MFHAS1: variants seen among roughly 807,000 people sequenced by gnomAD.
MFHAS1 encodes the protein multifunctional ROCO family signaling regulator 1.
A neutral mutation model predicts 70.4 loss-of-function variants in MFHAS1; 50 were observed. That is an observed-to-expected ratio of 0.71 (90% CI 0.57 to 0.90). MFHAS1 has a LOEUF of 0.90. MFHAS1 is among the 40% of genes least tolerant of loss of function. The pLI, the probability that MFHAS1 is intolerant of heterozygous loss-of-function variation, is 0.00. For missense variants in MFHAS1, 1,795 were observed against 1,347.6 expected (o/e 1.33, Z -5.20); for synonymous variants, 952 against 620.0 (o/e 1.54, Z -7.96).
At chr8:8,879,766 C>T (rs1585068997) in intron 1 of MFHAS1, among the ~76,000 whole-genome samples, 1 of 152,186 alleles carries the variant, frequency 6.6e-6, no homozygotes, top group East Asian at 1.9e-4. Flanking sequence ...AGCCCAAGAT[C>T]AGGTATTTTA....
chr8:8,808,674 AGGT>A (rs1395206601), intron 1 of MFHAS1, among the ~76,000 whole-genome samples: 1 of 152,248 alleles, frequency 6.6e-6, no homozygotes, highest in Non-Finnish European at 1.5e-5. Flanking sequence ...AAACTGCAAA[AGGT>A]ATGGTTACAG....
chr8:8,804,106 C>T (rs771622200), intron 1 of MFHAS1, among the ~76,000 whole-genome samples: 28 of 152,260 alleles, frequency 1.8e-4, no homozygotes, highest in Non-Finnish European at 2.9e-4. Flanking sequence ...AACCAGTGCC[C>T]CACAGATATC....
At chr8:8,807,349 A>C (rs934788246) in intron 1 of MFHAS1, among the ~76,000 whole-genome samples, 7 of 152,096 alleles carry the variant, frequency 4.6e-5, no homozygotes, top group Non-Finnish European at 1.0e-4. Context: ...TTCAGATTCC[A>C]AAGAGAATCA....
At chr8:8,877,006 A>C (rs898004899) in intron 1 of MFHAS1, among the ~76,000 whole-genome samples, 2 of 151,970 alleles carry the variant, frequency 1.3e-5, no homozygotes, top group Non-Finnish European at 2.9e-5. Flanking sequence ...TGCATAAGAC[A>C]TGGTGGTCCA....
chr8:8,832,613 A>C (rs973120331), intron 1 of MFHAS1, among the ~76,000 whole-genome samples: 10 of 148,874 alleles, frequency 6.7e-5, no homozygotes, highest in African/African-American at 2.4e-4. Context: ...ATGTGATGCA[A>C]CCAGAATTTT....
intron 1 of MFHAS1, among the ~76,000 whole-genome samples, chr8:8,806,360 G>T (rs1281188294): frequency 6.6e-6 from 1 of 152,182 alleles, no homozygotes; most frequent in Non-Finnish European, 1.5e-5. Flanking sequence ...ATAACTGGGG[G>T]CCAGAATAAA....
chr8:8,865,545 G>C (rs1245460610), intron 1 of MFHAS1, among the ~76,000 whole-genome samples: 1 of 152,142 alleles, frequency 6.6e-6, no homozygotes, highest in Non-Finnish European at 1.5e-5. Context: ...TGGTGAAGTG[G>C]AATCACATAG....
At chr8:8,859,266 C>T (rs1808572156) in intron 1 of MFHAS1, among the ~76,000 whole-genome samples, 2 of 152,142 alleles carry the variant, frequency 1.3e-5, no homozygotes, top group African/African-American at 4.8e-5. Flanking sequence ...ATCACTTGAA[C>T]CCAGGAGGTG....
intron 2 of MFHAS1, among the ~76,000 whole-genome samples, chr8:8,787,323 G>C (rs188289889): frequency 6.6e-6 from 1 of 152,028 alleles, no homozygotes; most frequent in African/African-American, 2.4e-5. Flanking sequence ...CTCATGATCC[G>C]CCCACCTTGG....
chr8:8,875,700 C>G (rs1242720621), intron 1 of MFHAS1, among the ~76,000 whole-genome samples: 1 of 152,158 alleles, frequency 6.6e-6, no homozygotes, highest in Non-Finnish European at 1.5e-5. Flanking sequence ...AAGCGATTCT[C>G]CTGCCTCAGC....
chr8:8,811,318 T>C (rs1366665388), intron 1 of MFHAS1, among the ~76,000 whole-genome samples: 1 of 152,036 alleles, frequency 6.6e-6, no homozygotes, highest in Non-Finnish European at 1.5e-5. Context: ...AAAAATTTTT[T>C]TTTTTTTGAG....
rs145426008 is a variant in MFHAS1 at position 8,788,551 on chromosome 8, T to C, written c.3126-2496A>G. Among the ~76,000 whole-genome samples the C allele has an allele frequency of 6.5e-3, 986 of 152,226 alleles. 8 individuals are homozygous for C. The highest frequency in any genetic ancestry group is 0.022 in the African/African-American group (902 of 41,518). ...AAAATTAGCCAGGCGTGGTGGTGCA[T>C]GCCTGTAGTCCCAGCTACTCGGGGG... On this transcript the variant is annotated intron_variant, in intron 2 of 2. Coordinates refer to ENST00000276282, the MANE Select transcript of MFHAS1 (RefSeq NM_004225.3).
At chr8:8,817,294 C>G (rs1314382804) in intron 1 of MFHAS1, among the ~76,000 whole-genome samples, 3 of 152,096 alleles carry the variant, frequency 2.0e-5, no homozygotes, top group Non-Finnish European at 4.4e-5. Flanking sequence ...ATTTCTTGAG[C>G]TGAGAAATTA....
rs891328821 is a variant in MFHAS1, at chr8:8,783,875, C to T, written c.*2147G>A. ...CCCTCCTCCCAACTTGAAACAAATT[C>T]TCAAGCTTCTCTGGAGCATCTTTTG... On this transcript the variant is annotated 3_prime_UTR_variant, in exon 3 of 3. Transcript: ENST00000276282. The T allele has an allele frequency of 7.9e-5, 12 of 152,124 alleles. No individual in the cohort carries two copies. The highest frequency in any genetic ancestry group is 2.9e-4 in the African/African-American group (12 of 41,408). The allele number at this position is 152,124 out of a possible 1,614,324, so 9.4% of individuals were successfully genotyped here.
At chr8:8,795,334 C>T (rs56100346) in intron 2 of MFHAS1, among the ~76,000 whole-genome samples, 31,595 of 152,018 alleles carry the variant, frequency 0.21, 3,629 homozygotes, top group African/African-American at 0.29. Context: ...ATAAAATTTC[C>T]GTTGTTTGAT....
intron 1 of MFHAS1, among the ~76,000 whole-genome samples, chr8:8,837,532 A>G (rs1034354506): frequency 6.6e-6 from 1 of 151,920 alleles, no homozygotes; most frequent in African/African-American, 2.4e-5. Context: ...CTCCCAAGCT[A>G]CTCGAGAGGC....
In MFHAS1 at chr8:8,862,726, G is replaced by C. The variant is rs954363112; in HGVS notation, c.2998+27335C>G. Among the ~76,000 whole-genome samples, 2 of 152,112 alleles carry C rather than the reference G, an allele frequency of 1.3e-5. 1 individual carries two copies. The highest frequency in any genetic ancestry group is 4.1e-4 in the South Asian group (2 of 4,832). The stretch of plus-strand genomic sequence containing the variant: ...TACCTAGTGTGAACTACTGGACTTC[G>C]TGTGACAATGTTGTGTCAATGTAGG... On this transcript the variant is annotated intron_variant, in intron 1 of 2. Transcript: ENST00000276282.
chr8:8,865,499 G>C (rs75022420), intron 1 of MFHAS1, among the ~76,000 whole-genome samples: 1 of 152,148 alleles, frequency 6.6e-6, no homozygotes, highest in South Asian at 2.1e-4. Flanking sequence ...CTCGATGAAA[G>C]CTAAACACAA....
intron 1 of MFHAS1, among the ~76,000 whole-genome samples, chr8:8,799,056 CAA>C (rs57830251): frequency 3.0e-4 from 42 of 138,386 alleles, no homozygotes; most frequent in Admixed American, 4.4e-4. Flanking sequence ...TCAACAACAA[CAA>C]AAAAAAAAAA....
Sources: gnomAD v4.1 joint callset for allele counts (sites outside exome capture counted in the v4.1 genomes callset) on GRCh38, gnomAD v4.1.1 for gene constraint, MANE v1.5 for transcripts, NCBI Gene and HGNC (gene_info 2026-07-23, HGNC 2026-07-21) for gene names.